The following ZBTB2 variants were observed in gnomAD, a reference collection of about 807,000 sequenced individuals.
ZBTB2 encodes the protein zinc finger and BTB domain containing 2, also known as zinc finger and BTB domain-containing protein 2.
Under a neutral mutation model 39.5 loss-of-function variants are expected in ZBTB2, and 2 were observed. The ratio of observed to expected loss-of-function variants is 0.05; its 90% CI spans 0.02 to 0.16. The LOEUF is 0.16. ZBTB2 is among the 10% of genes least tolerant of loss of function. The pLI, the probability that ZBTB2 is intolerant of heterozygous loss-of-function variation, is 1.00. For synonymous variants in ZBTB2, 251 were observed against 256.6 expected (o/e 0.98, Z 0.21); for missense variants, 391 against 653.0 (o/e 0.60, Z 4.37).
intron 1 of ZBTB2, chr6:151,377,968 C>T (rs1778953935): frequency 6.6e-6 from 1 of 152,002 alleles, no homozygotes; most frequent in African/African-American, 2.4e-5. Context: ...AAAGTAGACT[C>T]AGCAATTTTT....
In ZBTB2 at chr6:151,374,801, TAA is replaced by T. The variant is rs34697428; in HGVS notation, c.-12-1154_-12-1153del. Among the ~76,000 whole-genome samples, 545 of 131,706 alleles carry T rather than the reference TAA, an allele frequency of 4.1e-3. 12 individuals carry two copies. Among genetic ancestry groups the T allele is most frequent in the Middle Eastern group, 0.012 (3 of 258 alleles). 86.4% of individuals were successfully genotyped at this position (131,706 alleles called of 152,430 possible). ...ACACAGAAAGTCCCAAGGCATCTATTAAAAAAAAAAAAAAAAAGGCCAGACAT... is the reference window on the plus strand; with the variant it reads ...ACACAGAAAGTCCCAAGGCATCTATTAAAAAAAAAAAAAAAGGCCAGACAT... On this transcript the variant is annotated intron_variant, in intron 1 of 2. Coordinates refer to ENST00000325144, the MANE Select transcript of ZBTB2 (RefSeq NM_020861.3).
chr6:151,368,813 G>C (rs925964885), intron 2 of ZBTB2, among the ~76,000 whole-genome samples: 1 of 151,684 alleles, frequency 6.6e-6, no homozygotes, highest in Non-Finnish European at 1.5e-5. Flanking sequence ...GCCCAGGCTG[G>C]AGTGCAGTGG....
intron 1 of ZBTB2, among the ~76,000 whole-genome samples, chr6:151,373,903 T>C (rs981002805): frequency 3.4e-5 from 4 of 117,342 alleles, no homozygotes; most frequent in Non-Finnish European, 7.0e-5. Context: ...TAAAGTAAAT[T>C]AGGGAGTTAT....
In ZBTB2 at chr6:151,377,009, TAAG is replaced by T. The variant is rs1778924524; in HGVS notation, c.-12-3363_-12-3361del. On this transcript the variant is annotated intron_variant, in intron 1 of 2. Transcript: ENST00000325144. Reference sequence around the variant, plus strand: ...CACACAGAGGAAAACTACTCAGCCATAAGAAGAAACGACCTACTGATAACGTAC... The same window carrying T: ...CACACAGAGGAAAACTACTCAGCCATAAGAAACGACCTACTGATAACGTAC... Among the ~76,000 whole-genome samples, 3 of 152,228 alleles carry T rather than the reference TAAG, an allele frequency of 2.0e-5. No individual in the cohort carries two copies. The South Asian group carries it at 6.2e-4, about 32-fold the overall frequency.
At chr6:151,372,749 G>A (rs922233594) in intron 2 of ZBTB2, among the ~76,000 whole-genome samples, 1 of 152,088 alleles carries the variant, frequency 6.6e-6, no homozygotes, top group Non-Finnish European at 1.5e-5. Context: ...TGAAAGTCAG[G>A]GGGATACTCA....
In ZBTB2 at chr6:151,366,487, A is replaced by G. The variant is rs751314356; in HGVS notation, c.579T>C (p.Thr193=). Residue 193 remains threonine (T), a synonymous_variant, in exon 3 of 3, where the codon ACT becomes ACC. Transcript: ENST00000325144. This position sits in a 1 kb window ranked among gnomAD's most constrained non-coding sequence, Gnocchi z 7.1. The stretch of plus-strand genomic sequence containing the variant: ...GCGAGGTCTGCAGGGGGTCTGAGGG[A>G]GTCATATTTGTCCGATTCACCTGGG... The part of the protein sequence containing the change: ...NLAQVNRTNM[T]PSDPLQTSLS... 11 of 1,613,816 alleles carry G rather than the reference A, an allele frequency of 6.8e-6. No homozygotes were observed. The Admixed American group carries it at 1.8e-4, about 27-fold the overall frequency.
rs1162048105 is a variant in ZBTB2 at position 151,364,219 on chromosome 6, A to G, written c.*1302T>C. The G allele has an allele frequency of 6.6e-6, 1 of 152,608 alleles. No homozygotes were observed. Among genetic ancestry groups the G allele is most frequent in the Non-Finnish European group, 1.5e-5 (1 of 68,036 alleles). The allele number at this position is 152,608 out of a possible 1,614,324, so 9.5% of individuals were successfully genotyped here. A position where few individuals can be genotyped will look rare whatever the true frequency, so the allele number is the denominator to read the frequency against. On this transcript the variant is annotated 3_prime_UTR_variant, in exon 3 of 3. Transcript: ENST00000325144. The stretch of plus-strand genomic sequence containing the variant: ...AGGATGATGGGATATTCAGTTTTTA[A>G]CATATACATATACTATAGCTATTAG...
Position 151,365,822 on chromosome 6 carries a change from A to T in ZBTB2, c.1244T>A (p.Ile415Asn). The T allele has an allele frequency of 6.2e-7, 1 of 1,614,208 alleles. No individual in the cohort carries two copies. The highest frequency in any genetic ancestry group is 8.5e-7 in the Non-Finnish European group (1 of 1,180,046). The change falls in exon 3 of 3, where the codon ATC (isoleucine) becomes AAC (asparagine). Residue 415 changes from isoleucine to asparagine, a missense_variant. Physicochemically the swap from Ile to Asn is moderately radical, Grantham distance 149. Coordinates refer to ENST00000325144, the MANE Select transcript of ZBTB2 (RefSeq NM_020861.3). The surrounding 1 kb of genome is among the most constrained non-coding windows in gnomAD (Gnocchi z 5.6). ...TTTGTCCACCATGGTGTAAGTGTCG[A>T]TGCTCTGGTTGAGGCACACGTGGCG... ...AARHVCLNQS[I>N]DTYTMVDKQT... is the part of the protein sequence containing the mutation.
At chr6:151,391,080 A>G (rs1404474520) in intron 1 of ZBTB2, among the ~76,000 whole-genome samples, 3 of 111,958 alleles carry the variant, frequency 2.7e-5, no homozygotes, top group African/African-American at 1.0e-4. Flanking sequence ...CCCCTCCCAC[A>G]AAACCCCGGA....
At chr6:151,379,478 T>C (rs890804185) in intron 1 of ZBTB2, among the ~76,000 whole-genome samples, 3 of 151,520 alleles carry the variant, frequency 2.0e-5, no homozygotes, top group Non-Finnish European at 2.9e-5. Context: ...CCCATCTCTA[T>C]AAAAAATTTA....
chr6:151,375,203 T>C (rs1295250697), intron 1 of ZBTB2, among the ~76,000 whole-genome samples: 1 of 151,878 alleles, frequency 6.6e-6, no homozygotes, highest in Non-Finnish European at 1.5e-5. Context: ...CAAAAAAAAA[T>C]CAGCTGTAAT....
Position 151,366,977 on chromosome 6 carries a change from A to G in ZBTB2, c.174-85T>C, listed in dbSNP as rs578243078. On this transcript the variant is annotated intron_variant, in intron 2 of 2. Coordinates refer to ENST00000325144, the MANE Select transcript of ZBTB2 (RefSeq NM_020861.3). The surrounding 1 kb of genome is among the most constrained non-coding windows in gnomAD (Gnocchi z 7.1). Reference sequence around the variant, plus strand: ...CCTGAAGAAAAAAATGAATGCTTAAAAACAAAGGAAACAACATTTCCTATC... The same window carrying G: ...CCTGAAGAAAAAAATGAATGCTTAAGAACAAAGGAAACAACATTTCCTATC... 7.3e-5 allele frequency: 97 copies of G among 1,331,256 alleles called. No homozygotes were observed. The African/African-American group carries it at 1.3e-3, about 18-fold the overall frequency. 82.5% of individuals were successfully genotyped at this position (1,331,256 alleles called of 1,614,324 possible). A position where few individuals can be genotyped will look rare whatever the true frequency, so the allele number is the denominator to read the frequency against.
chr6:151,373,498 T>C lies in ZBTB2; in HGVS notation c.140A>G (p.Asn47Ser), dbSNP rs909346430. ...ATGGACAAACAACATCTTAAAGTAA[T>C]TGGAGAATGAAGCAAGAACTGATTT... ...AHKSVLASFS[N>S]YFKMLFVHQT... Residue 47 changes from asparagine (N) to serine (S), a missense_variant, in exon 2 of 3, where the codon AAT becomes AGT. Coordinates refer to ENST00000325144, the MANE Select transcript of ZBTB2 (RefSeq NM_020861.3). 1.9e-6 allele frequency: 3 copies of C among 1,614,084 alleles called. No homozygotes were observed. The highest frequency in any genetic ancestry group is 2.5e-6 in the Non-Finnish European group (3 of 1,180,014).
chr6:151,371,947 T>G (rs1778796567), intron 2 of ZBTB2, among the ~76,000 whole-genome samples: 1 of 152,200 alleles, frequency 6.6e-6, no homozygotes, highest in Non-Finnish European at 1.5e-5. Flanking sequence ...GAAGGCCTAA[T>G]TCAGTACATC....
intron 1 of ZBTB2, among the ~76,000 whole-genome samples, chr6:151,381,961 T>C (rs531895529): frequency 2.6e-5 from 4 of 152,336 alleles, no homozygotes; most frequent in African/African-American, 9.6e-5. Context: ...TCAGGCAATT[T>C]TGTCATTGTG....
chr6:151,365,968 T>G lies in ZBTB2; in HGVS notation c.1098A>C (p.Thr366=), dbSNP rs199815000. ...TCTGGATAAATTTGCGTCCACATAT[T>G]GTGCACTCGTACTTCCGCCTCTTCA... ...REVKRRKYEC[T]ICGRKFIQKS... Residue 366 remains threonine, a synonymous_variant, in exon 3 of 3, where the codon ACA becomes ACC. Coordinates refer to ENST00000325144, the MANE Select transcript of ZBTB2 (RefSeq NM_020861.3). The surrounding 1 kb of genome is among the most constrained non-coding windows in gnomAD (Gnocchi z 5.6). 1 of 1,614,184 alleles carries G rather than the reference T, an allele frequency of 6.2e-7. No homozygotes were observed. The highest frequency in any genetic ancestry group is 2.2e-5 in the East Asian group (1 of 44,866).
intron 1 of ZBTB2, among the ~76,000 whole-genome samples, chr6:151,391,020 T>G: frequency 6.4e-5 from 1 of 15,724 alleles, no homozygotes; most frequent in Non-Finnish European, 1.4e-4. Flanking sequence ...CCTTCCTCCC[T>G]CCCACCCTCC....
chr6:151,386,082 G>A (rs1779142923), intron 1 of ZBTB2, among the ~76,000 whole-genome samples: 1 of 152,140 alleles, frequency 6.6e-6, no homozygotes, highest in Non-Finnish European at 1.5e-5. Context: ...GTTTCCAAAT[G>A]TAAGTTGGGG....
At chr6:151,380,104 A>G (rs953659411) in intron 1 of ZBTB2, among the ~76,000 whole-genome samples, 1 of 152,178 alleles carries the variant, frequency 6.6e-6, no homozygotes, top group Non-Finnish European at 1.5e-5. Flanking sequence ...GCATTCAAAT[A>G]CAGAGGAAAG....
Sources: gnomAD v4.1 joint callset for allele counts (sites outside exome capture counted in the v4.1 genomes callset) on GRCh38, gnomAD v4.1.1 for gene constraint, Gnocchi (gnomAD v3.1) non-coding constraint, MANE v1.5 for transcripts, NCBI Gene and HGNC (gene_info 2026-07-23, HGNC 2026-07-21) for gene names.